Variants in GRIN2B observed in about 807,000 individuals in gnomAD.
The protein encoded by GRIN2B is glutamate ionotropic receptor NMDA type subunit 2B.
GRIN2B carries 5 observed loss-of-function variants against 114.5 expected under a neutral mutation model. The observed-to-expected ratio is 0.04, with a 90% CI of 0.02 to 0.09. GRIN2B has a LOEUF of 0.09. Ranked by LOEUF, GRIN2B falls within the 10% of genes least tolerant of loss-of-function variation. The pLI is 1.00. For missense variants in GRIN2B, 1,108 were observed against 1,943.5 expected (o/e 0.57, Z 8.08); for synonymous variants, 787 against 745.1 (o/e 1.06, Z -0.92).
chr12:13,644,693 T>C (rs930412446), intron 5 of GRIN2B, among the ~76,000 whole-genome samples: 1 of 152,194 alleles, frequency 6.6e-6, no homozygotes, highest in African/African-American at 2.4e-5. Context: ...ACTTCATCAA[T>C]GATCTTAGCT....
At chr12:13,980,683 AACACACACTC>A in intron 1 of GRIN2B, among the ~76,000 whole-genome samples, 1 of 152,186 alleles carries the variant, frequency 6.6e-6, no homozygotes, top group South Asian at 2.1e-4. Flanking sequence ...ACCATACAGC[AACACACACTC>A]ACACACACGC....
chr12:13,770,531 G>A (rs1863886633), intron 3 of GRIN2B, among the ~76,000 whole-genome samples: 1 of 152,184 alleles, frequency 6.6e-6, no homozygotes, highest in African/African-American at 2.4e-5. Context: ...GTGTGTGAGA[G>A]GAGGTTACAG....
intron 2 of GRIN2B, among the ~76,000 whole-genome samples, chr12:13,879,491 A>C (rs1866038627): frequency 6.6e-6 from 1 of 152,042 alleles, no homozygotes; most frequent in Admixed American, 6.5e-5. Flanking sequence ...GGTTTTTCTT[A>C]ATATGCAGAA....
rs1169739134 is a variant in GRIN2B, at chr12:13,562,450, G to GAGCTCTTCCACACCA, written c.*318_*332dup. ...AGCTTCACTCAAAGAGGATATCAAGGAGCTCTTCCACACCAGGAGGAAGCC... is the reference window on the plus strand; with the variant it reads ...AGCTTCACTCAAAGAGGATATCAAGGAGCTCTTCCACACCAAGCTCTTCCACACCAGGAGGAAGCC... On this transcript the variant is annotated 3_prime_UTR_variant, in exon 14 of 14. Transcript: ENST00000609686. The GAGCTCTTCCACACCA allele has an allele frequency of 1.9e-5, 6 of 320,824 alleles. No homozygotes were observed. Among genetic ancestry groups the GAGCTCTTCCACACCA allele is most frequent in the Non-Finnish European group, 3.5e-5 (6 of 172,352 alleles). The allele number at this position is 320,824 out of a possible 1,614,324, so 19.9% of individuals were successfully genotyped here.
intron 2 of GRIN2B, among the ~76,000 whole-genome samples, chr12:13,967,238 T>A (rs1867804541): frequency 6.6e-6 from 1 of 152,202 alleles, no homozygotes; most frequent in South Asian, 2.1e-4. Flanking sequence ...CCTAACCACC[T>A]TTCGAATCCT....
rs1442618393 is a variant in GRIN2B, at chr12:13,545,951, A to G, written c.*16832T>C. ...ATGTGTAAGACTCAGGATTAAATCAATCTGTAAAATGCCTATTTGTAATCG... is the reference window on the plus strand; with the variant it reads ...ATGTGTAAGACTCAGGATTAAATCAGTCTGTAAAATGCCTATTTGTAATCG... On this transcript the variant is annotated 3_prime_UTR_variant, in exon 14 of 14. Coordinates refer to ENST00000609686, the MANE Select transcript of GRIN2B (RefSeq NM_000834.5). 1.3e-5 allele frequency: 2 copies of G among 152,216 alleles called. No individual in the cohort carries two copies. The highest frequency in any genetic ancestry group is 1.3e-4 in the Admixed American group (2 of 15,278). 9.4% of individuals were successfully genotyped at this position (152,216 alleles called of 1,614,324 possible).
At chr12:13,871,427 A>G (rs1865904725) in intron 2 of GRIN2B, among the ~76,000 whole-genome samples, 1 of 151,968 alleles carries the variant, frequency 6.6e-6, no homozygotes, top group African/African-American at 2.4e-5. Context: ...TAAAAAGGAA[A>G]TCATAAGGGA....
At chr12:13,763,217 C>T (rs1766884547) in intron 3 of GRIN2B, among the ~76,000 whole-genome samples, 1 of 152,190 alleles carries the variant, frequency 6.6e-6, no homozygotes, top group Admixed American at 6.5e-5. Context: ...GTACTGCCTT[C>T]TGATCTTTAA....
chr12:13,800,242 G>T (rs1444180653), intron 3 of GRIN2B, among the ~76,000 whole-genome samples: 1 of 152,090 alleles, frequency 6.6e-6, no homozygotes, highest in African/African-American at 2.4e-5. Flanking sequence ...CCAGTCTCTG[G>T]TGTCTTTGCT....
At position 13,561,340 on chromosome 12, in the gene GRIN2B, C is replaced by T. The variant is rs1948540297; in HGVS notation, c.*1443G>A. On this transcript the variant is annotated 3_prime_UTR_variant, in exon 14 of 14. Transcript: ENST00000609686. ...CCCAAAGAGGTGGTGGAGGGTCCCT[C>T]TCTGCCCCCGTCTCCCATTTCCAAG... The T allele has an allele frequency of 1.3e-5, 2 of 152,272 alleles. No homozygotes were observed. The highest frequency in any genetic ancestry group is 4.8e-5 in the African/African-American group (2 of 41,404). The allele number at this position is 152,272 out of a possible 1,614,324, so 9.4% of individuals were successfully genotyped here.
intron 5 of GRIN2B, among the ~76,000 whole-genome samples, chr12:13,630,888 T>G (rs1949610302): frequency 6.6e-6 from 1 of 152,144 alleles, no homozygotes; most frequent in African/African-American, 2.4e-5. Context: ...GTTTAATTGA[T>G]TCATAATTCT....
intron 2 of GRIN2B, among the ~76,000 whole-genome samples, chr12:13,872,082 G>A (rs990428950): frequency 1.3e-5 from 2 of 151,788 alleles, no homozygotes; most frequent in African/African-American, 2.4e-5. Context: ...AGAAGGAAAC[G>A]AGCCTTGCTC....
chr12:13,967,744 G>A (rs1363797908), intron 2 of GRIN2B, among the ~76,000 whole-genome samples: 3 of 152,192 alleles, frequency 2.0e-5, no homozygotes, highest in Admixed American at 2.0e-4. Context: ...GGCTATGGGA[G>A]CAGGAAGAGG....
intron 3 of GRIN2B, among the ~76,000 whole-genome samples, chr12:13,848,857 C>A (rs1865511152): frequency 6.6e-6 from 1 of 152,176 alleles, no homozygotes. Context: ...CCTTATCCCC[C>A]TCTCTGCTTT....
At chr12:13,803,052 T>C (rs1864544771) in intron 3 of GRIN2B, among the ~76,000 whole-genome samples, 1 of 152,202 alleles carries the variant, frequency 6.6e-6, no homozygotes, top group Non-Finnish European at 1.5e-5. Flanking sequence ...ACCTCTATGA[T>C]TATCCACTTC....
At chr12:13,719,272 G>A (rs376438372) in intron 4 of GRIN2B, among the ~76,000 whole-genome samples, 1 of 151,924 alleles carries the variant, frequency 6.6e-6, no homozygotes, top group Non-Finnish European at 1.5e-5. Context: ...CAGTGCATTC[G>A]GTCACTCATT....
At chr12:13,834,020 CTTTTTTTTTTTTT>C (rs71067731) in intron 3 of GRIN2B, among the ~76,000 whole-genome samples, 3 of 72,542 alleles carry the variant, frequency 4.1e-5, no homozygotes, top group African/African-American at 1.0e-4. Flanking sequence ...TTGCTAACTT[CTTTTTTTTTTTTT>C]TTTTTTTTTT....
intron 5 of GRIN2B, among the ~76,000 whole-genome samples, chr12:13,657,624 C>T (rs574957752): frequency 1.3e-5 from 2 of 152,138 alleles, no homozygotes; most frequent in Non-Finnish European, 2.9e-5. Context: ...CAATACAACA[C>T]GTTCAGACCA....
intron 5 of GRIN2B, among the ~76,000 whole-genome samples, chr12:13,671,529 C>T (rs1287402626): frequency 3.9e-5 from 6 of 152,142 alleles, no homozygotes; most frequent in South Asian, 2.1e-4. Context: ...TTCCTTGACC[C>T]GAGATGCCTT....
Sources: allele counts gnomAD v4.1 joint callset (sites outside exome capture counted in the v4.1 genomes callset), GRCh38; gene constraint gnomAD v4.1.1; transcripts MANE v1.5; gene names NCBI Gene and HGNC (gene_info 2026-07-23, HGNC 2026-07-21).